Variants in HAPLN3 observed in about 807,000 individuals in gnomAD.
HAPLN3 encodes the protein hyaluronan and proteoglycan link protein 3.
A neutral mutation model predicts 28.1 loss-of-function variants in HAPLN3; 28 were observed. The ratio of observed to expected loss-of-function variants is 1.00; its 90% CI spans 0.74 to 1.37. HAPLN3 has a LOEUF of 1.37. Among genes scored for constraint, HAPLN3 ranks in the 40% most tolerant of loss-of-function variants. The pLI, the probability that HAPLN3 is intolerant of heterozygous loss-of-function variation, is 0.00. For synonymous variants in HAPLN3, 211 were observed against 213.1 expected, an observed-to-expected ratio of 0.99 and a Z score of 0.09; for missense variants, 513 against 504.6, an observed-to-expected ratio of 1.02 and a Z score of -0.16.
chr15:88,892,277 T>C (rs553933234), intron 1 of HAPLN3, among the ~76,000 whole-genome samples: 279 of 152,074 alleles, frequency 1.8e-3, no homozygotes, highest in African/African-American at 6.3e-3. Flanking sequence ...GCCAACATGG[T>C]AAAACCCCGT....
chr15:88,888,093 C>T lies in HAPLN3; in HGVS notation c.-47-748G>A, dbSNP rs937976457. The stretch of plus-strand genomic sequence containing the variant: ...GTATGTTAAGTAAAGATGAGTCCTG[C>T]ATTGTGAACCCTTTTTTTTTTTTTT... On this transcript the variant is annotated intron_variant, in intron 1 of 4. Coordinates refer to ENST00000359595, the MANE Select transcript of HAPLN3 (RefSeq NM_178232.4). This position sits in a 1 kb window ranked among gnomAD's most constrained non-coding sequence, Gnocchi z 4.1. Among the ~76,000 whole-genome samples the T allele has an allele frequency of 6.7e-6, 1 of 150,316 alleles. No homozygotes were observed. Among genetic ancestry groups the T allele is most frequent in the Admixed American group, 6.6e-5 (1 of 15,146 alleles).
In HAPLN3 at chr15:88,878,272, C is replaced by T. The variant is rs772959535; in HGVS notation, c.797-16G>A. 58 of 1,601,296 alleles carry T rather than the reference C, an allele frequency of 3.6e-5. No individual in the cohort carries two copies. The highest frequency in any genetic ancestry group is 4.6e-5 in the Non-Finnish European group (54 of 1,173,440). On this transcript the variant is annotated splice_polypyrimidine_tract_variant and intron_variant, in intron 4 of 4. Transcript: ENST00000359595. Reference sequence around the variant, plus strand: ...TACACCCGCCCTGGGGGAAAGGGGGCGTGAGTGCCGTACAGCGCAGGGGGC... The same window carrying T: ...TACACCCGCCCTGGGGGAAAGGGGGTGTGAGTGCCGTACAGCGCAGGGGGC...
intron 2 of HAPLN3, among the ~76,000 whole-genome samples, chr15:88,885,706 C>T (rs918336404): frequency 1.3e-5 from 2 of 152,156 alleles, no homozygotes; most frequent in Admixed American, 6.5e-5. Context: ...CCATCCACCT[C>T]GGCCTCCTTA....
chr15:88,891,583 C>CCA (rs1898014493), intron 1 of HAPLN3, among the ~76,000 whole-genome samples: 1 of 152,196 alleles, frequency 6.6e-6, no homozygotes, highest in Admixed American at 6.5e-5. Flanking sequence ...CAGGCATGAG[C>CCA]CACCACACCT....
chr15:88,889,231 G>T (rs1205861307), intron 1 of HAPLN3, among the ~76,000 whole-genome samples: 2 of 152,174 alleles, frequency 1.3e-5, no homozygotes, highest in African/African-American at 2.4e-5. Context: ...CATCTGGGCT[G>T]AATTCTGCTT....
chr15:88,877,854 A>G lies in HAPLN3; in HGVS notation c.*116T>C, dbSNP rs539488251. 3.4e-5 allele frequency: 36 copies of G among 1,073,572 alleles called. No homozygotes were observed. In the South Asian group the frequency reaches 6.4e-4, roughly 19 times the overall value. 66.5% of individuals were successfully genotyped at this position (1,073,572 alleles called of 1,614,324 possible). On this transcript the variant is annotated 3_prime_UTR_variant, in exon 5 of 5. Coordinates refer to ENST00000359595, the MANE Select transcript of HAPLN3 (RefSeq NM_178232.4). This position sits in a 1 kb window ranked among gnomAD's most constrained non-coding sequence, Gnocchi z 5.1. ...AAAATAGTAAAAAAATGTTTAAAGA[A>G]AATTTAAATTGAGAAGTATAAAAAC...
chr15:88,891,365 C>T (rs1567207258), intron 1 of HAPLN3, among the ~76,000 whole-genome samples: 1 of 151,742 alleles, frequency 6.6e-6, no homozygotes, highest in East Asian at 1.9e-4. Context: ...GGTAAGATCT[C>T]GGCTCATAGC....
rs1220193510 is a variant in HAPLN3 at position 88,879,014 on chromosome 15, CG to C, written c.748del (p.Arg250AlafsTer28). 8 of 1,609,560 alleles carry C rather than the reference CG, an allele frequency of 5.0e-6. No homozygotes were observed. The highest frequency in any genetic ancestry group is 6.8e-6 in the Non-Finnish European group (8 of 1,178,584). On this transcript the variant is annotated frameshift_variant, in exon 4 of 5. Transcript: ENST00000359595. LOFTEE classifies it low-confidence loss of function (END_TRUNC). This position sits in a 1 kb window ranked among gnomAD's most constrained non-coding sequence, Gnocchi z 5.0. ...PGVRSYGPRHRRLHRYDVFCF... is the reference protein window; with the variant it reads ...PGVRSYGPRHXRLHRYDVFCF... ...GAATACATCATAGCGGTGCAGGCGG[CG>C]GTGGCGGGGGCCGTAGCTTCGCACG...
chr15:88,877,835 G>A lies in HAPLN3; in HGVS notation c.*135C>T, dbSNP rs532855093. On this transcript the variant is annotated 3_prime_UTR_variant, in exon 5 of 5. Coordinates refer to ENST00000359595, the MANE Select transcript of HAPLN3 (RefSeq NM_178232.4). This position sits in a 1 kb window ranked among gnomAD's most constrained non-coding sequence, Gnocchi z 5.1. ...GGTTCTGTTTGCTTTACAAAAAATA[G>A]TAAAAAAATGTTTAAAGAAAATTTA... is the stretch of plus-strand genomic sequence containing the variant. 806 of 918,824 alleles carry A rather than the reference G, an allele frequency of 8.8e-4. No individual in the cohort carries two copies. The highest frequency in any genetic ancestry group is 2.1e-3 in the Admixed American group (67 of 32,118). The allele number at this position is 918,824 out of a possible 1,614,324, so 56.9% of individuals were successfully genotyped here. A position where few individuals can be genotyped will look rare whatever the true frequency, so the allele number is the denominator to read the frequency against.
In HAPLN3 at chr15:88,879,246, G is replaced by C. The variant is rs1037435287; in HGVS notation, c.517C>G (p.Pro173Ala). ...LRGVVFPYQS[P>A]NGRYQFNFHE... ...AAGTTGAACTGGTAGCGCCCGTTGG[G>C]GGACTGGTAAGGAAAGACCACACCT... Residue 173 changes from proline (P) to alanine (A), a missense_variant, in exon 4 of 5, where the codon CCC (proline) becomes GCC (alanine). Physicochemically the swap from Pro to Ala is conservative, Grantham distance 27 (BLOSUM62 -1). Transcript: ENST00000359595. This position sits in a 1 kb window ranked among gnomAD's most constrained non-coding sequence, Gnocchi z 5.0. The C allele has an allele frequency of 6.2e-7, 1 of 1,608,504 alleles. No individual in the cohort carries two copies. The highest frequency in any genetic ancestry group is 8.5e-7 in the Non-Finnish European group (1 of 1,176,824).
Position 88,887,159 on chromosome 15 carries a change from G to A in HAPLN3, c.124+16C>T, listed in dbSNP as rs1377509579. On this transcript the variant is annotated intron_variant, in intron 2 of 4. Coordinates refer to ENST00000359595, the MANE Select transcript of HAPLN3 (RefSeq NM_178232.4). ...CACCCAGGGGAGCAAAGAGCCGGGT[G>A]CAGGAGGTCGCCTACCTTTGCCATG... 6.2e-7 allele frequency: 1 copy of A among 1,613,992 alleles called. No individual in the cohort carries two copies. Among genetic ancestry groups the A allele is most frequent in the East Asian group, 2.2e-5 (1 of 44,856 alleles).
Position 88,880,237 on chromosome 15 carries a change from T to A in HAPLN3, c.494-968A>T. 1 of 1,002,414 alleles carries A rather than the reference T, an allele frequency of 1.0e-6. No homozygotes were observed. The highest frequency in any genetic ancestry group is 1.2e-6 in the Non-Finnish European group (1 of 840,572). The allele number at this position is 1,002,414 out of a possible 1,614,324, so 62.1% of individuals were successfully genotyped here. ...GGGAATGGGGTGAGGGCTCCCTGTT[T>A]CTCTAGGCTGCCCCTGCAGACCCCA... On this transcript the variant is annotated intron_variant, in intron 3 of 4. Coordinates refer to ENST00000359595, the MANE Select transcript of HAPLN3 (RefSeq NM_178232.4). This position sits in a 1 kb window ranked among gnomAD's most constrained non-coding sequence, Gnocchi z 6.0.
chr15:88,893,128 ACTT>A, intron 1 of HAPLN3: 1 of 747,404 alleles, frequency 1.3e-6, no homozygotes, highest in South Asian at 1.5e-5. Context: ...AAAAAAAGGA[ACTT>A]AAGGCCGGGT....
At chr15:88,890,052 A>T (rs1285978554) in intron 1 of HAPLN3, among the ~76,000 whole-genome samples, 1 of 150,316 alleles carries the variant, frequency 6.7e-6, no homozygotes, top group African/African-American at 2.5e-5. Context: ...GGAAGGAAGG[A>T]AAGGGAAGGA....
intron 1 of HAPLN3, among the ~76,000 whole-genome samples, chr15:88,894,630 C>A (rs939133940): frequency 3.9e-5 from 6 of 152,150 alleles, no homozygotes; most frequent in Non-Finnish European, 7.3e-5. Flanking sequence ...AAGCCAGGGC[C>A]CCTCTCAATC....
chr15:88,892,845 C>T, intron 1 of HAPLN3: 1 of 1,036,912 alleles, frequency 9.6e-7, no homozygotes. Context: ...CCATCCCTGA[C>T]CACTACCACT....
At chr15:88,886,332 C>T (rs1242393013) in intron 2 of HAPLN3, among the ~76,000 whole-genome samples, 2 of 131,112 alleles carry the variant, frequency 1.5e-5, no homozygotes, top group African/African-American at 6.1e-5. Context: ...GCCTGGACAA[C>T]AAAGTGAGAC....
chr15:88,878,924 T>C (rs187037545), intron 4 of HAPLN3, 43 bp downstream of exon 4: 2 of 1,542,942 alleles, frequency 1.3e-6, no homozygotes, highest in Admixed American at 2.0e-5. Flanking sequence ...AGGTCCCAGG[T>C]GGCCACCAAA....
chr15:88,891,678 A>G (rs1196266490), intron 1 of HAPLN3, among the ~76,000 whole-genome samples: 1 of 152,252 alleles, frequency 6.6e-6, no homozygotes, highest in Non-Finnish European at 1.5e-5. Context: ...ACCAAGGCAC[A>G]GAGAGACTAA....
Sources: gnomAD v4.1 joint callset for allele counts (sites outside exome capture counted in the v4.1 genomes callset) on GRCh38, gnomAD v4.1.1 for gene constraint, Gnocchi (gnomAD v3.1) non-coding constraint, MANE v1.5 for transcripts, NCBI Gene and HGNC (gene_info 2026-07-23, HGNC 2026-07-21) for gene names.